TPRG1: variants seen among roughly 807,000 people sequenced by gnomAD.
TPRG1 encodes the protein tumor protein p63 regulated 1, also known as tumor protein p63-regulated gene 1 protein.
TPRG1 carries 29 observed loss-of-function variants against 29.3 expected under a neutral mutation model. The ratio of observed to expected loss-of-function variants is 0.99; its 90% CI spans 0.74 to 1.35. The LOEUF (loss-of-function observed/expected upper bound fraction) is 1.35, where lower values mean the gene tolerates loss of function less well. Among genes scored for constraint, TPRG1 ranks in the 40% most tolerant of loss-of-function variants. TPRG1 has a pLI of 0.00. For synonymous variants in TPRG1, 130 were observed against 116.8 expected, an observed-to-expected ratio of 1.11 and a Z score of -0.73; for missense variants, 327 against 335.0, an observed-to-expected ratio of 0.98 and a Z score of 0.19.
chr3:189,196,079 G>T (rs1732487659), intron 1 of TPRG1, among the ~76,000 whole-genome samples: 1 of 152,096 alleles, frequency 6.6e-6, no homozygotes, highest in South Asian at 2.1e-4. Flanking sequence ...GCTTTCTCAG[G>T]GATTTGAGGC....
intron 5 of TPRG1, among the ~76,000 whole-genome samples, chr3:189,318,008 G>C (rs1723823467): frequency 6.6e-6 from 1 of 152,090 alleles, no homozygotes; most frequent in South Asian, 2.1e-4. Flanking sequence ...GTCTCTATGA[G>C]GATAATTCCA....
chr3:189,238,772 G>T lies in TPRG1; in HGVS notation c.342G>T (p.Leu114=). ...ACAATGAGAAGGAGAGAATTCTACT[G>T]GTCACAGACAAGACTCTCTTGATCT... The part of the protein sequence containing the change: ...HWNNEKERIL[L]VTDKTLLICK... The change falls in exon 4 of 6, where the codon CTG becomes CTT. Residue 114 remains leucine, a synonymous_variant. Coordinates refer to ENST00000345063, the MANE Select transcript of TPRG1 (RefSeq NM_198485.4). 6.2e-7 allele frequency: 1 copy of T among 1,613,482 alleles called. No homozygotes were observed. Among genetic ancestry groups the T allele is most frequent in the African/African-American group, 1.3e-5 (1 of 75,006 alleles).
chr3:189,163,290 CA>C (rs1257629159), intron 5 of TPRG1, among the ~76,000 whole-genome samples: 1 of 151,724 alleles, frequency 6.6e-6, no homozygotes, highest in Non-Finnish European at 1.5e-5. Flanking sequence ...CGAAGCAAAA[CA>C]AAAAAACATG....
chr3:189,104,681 C>T (rs1050585691), intron 1 of TPRG1, among the ~76,000 whole-genome samples: 13 of 151,830 alleles, frequency 8.6e-5, no homozygotes, highest in African/African-American at 3.1e-4. Context: ...TACTGTTTCA[C>T]GAGTTAAGCT....
At chr3:189,198,658 G>T (rs187621999) in intron 1 of TPRG1, among the ~76,000 whole-genome samples, 2 of 152,268 alleles carry the variant, frequency 1.3e-5, no homozygotes, top group South Asian at 4.1e-4. Flanking sequence ...ACTTAATGGC[G>T]GCTCTATATC....
intron 4 of TPRG1, among the ~76,000 whole-genome samples, chr3:189,048,668 A>T (rs1444049806): frequency 6.6e-6 from 1 of 152,174 alleles, no homozygotes; most frequent in African/African-American, 2.4e-5. Context: ...ATTCAGCTCC[A>T]GACAGAGCAG....
chr3:189,252,994 T>A (rs1047843152), intron 4 of TPRG1, among the ~76,000 whole-genome samples: 26 of 152,188 alleles, frequency 1.7e-4, no homozygotes, highest in Admixed American at 1.7e-3. Flanking sequence ...CAGGTACATC[T>A]CAGTAAATCC....
intron 1 of TPRG1, among the ~76,000 whole-genome samples, chr3:189,176,672 G>A (rs1729530003): frequency 6.6e-6 from 1 of 152,202 alleles, no homozygotes; most frequent in Admixed American, 6.5e-5. Flanking sequence ...AGGAGTCAGC[G>A]AGGCACTAAT....
In TPRG1 at chr3:189,183,946, T is replaced by C. The variant is rs556005511; in HGVS notation, c.-10+11815T>C. Among the ~76,000 whole-genome samples, 47 of 151,870 alleles carry C rather than the reference T, an allele frequency of 3.1e-4. 1 individual carries two copies. In the South Asian group the frequency reaches 9.2e-3, roughly 30 times the overall value. The stretch of plus-strand genomic sequence containing the variant: ...CAGGCATAGGAAATCACAAGGGTAT[T>C]GATTGGGGAAGTGATAAGTGTCCAT... On this transcript the variant is annotated intron_variant, in intron 1 of 5. Transcript: ENST00000345063.
chr3:189,151,001 AG>A (rs1360410083), intron 5 of TPRG1: 3 of 152,184 alleles, frequency 2.0e-5, no homozygotes, highest in Non-Finnish European at 4.4e-5. Context: ...TTGACCCCCG[AG>A]GATCTTCCAT....
At chr3:189,134,042 C>T (rs1268226346) in intron 3 of TPRG1, among the ~76,000 whole-genome samples, 2 of 152,146 alleles carry the variant, frequency 1.3e-5, no homozygotes, top group Non-Finnish European at 2.9e-5. Flanking sequence ...ATGTTGAATA[C>T]ACATGTTAGC....
At chr3:189,219,773 T>G in intron 3 of TPRG1, 6 of 1,102,334 alleles carry the variant, frequency 5.4e-6, no homozygotes, top group South Asian at 2.3e-5. Flanking sequence ...TTGTTCTTAA[T>G]TCTTCTTATT....
At chr3:189,158,075 C>T (rs748865687) in intron 5 of TPRG1, among the ~76,000 whole-genome samples, 5 of 152,116 alleles carry the variant, frequency 3.3e-5, no homozygotes, top group Non-Finnish European at 5.9e-5. Flanking sequence ...AAGATTCTGG[C>T]CAAATCTTTT....
At chr3:189,297,961 C>G (rs1030891309) in intron 4 of TPRG1, among the ~76,000 whole-genome samples, 26 of 152,282 alleles carry the variant, frequency 1.7e-4, no homozygotes, top group African/African-American at 6.0e-4. Context: ...TCCGTCTGAA[C>G]TATCGCTCTG....
intron 4 of TPRG1, among the ~76,000 whole-genome samples, chr3:189,074,818 T>G (rs1210232729): frequency 6.6e-6 from 1 of 151,964 alleles, no homozygotes; most frequent in Non-Finnish European, 1.5e-5. Context: ...AGCCTACCTT[T>G]TTTTTTTTCT....
intron 5 of TPRG1, among the ~76,000 whole-genome samples, chr3:189,315,042 A>G (rs1031406970): frequency 5.3e-5 from 8 of 152,180 alleles, no homozygotes; most frequent in African/African-American, 1.9e-4. Flanking sequence ...GCTACTTGGA[A>G]GGCTAAGGCA....
intron 5 of TPRG1, among the ~76,000 whole-genome samples, chr3:189,165,946 C>T (rs1034652721): frequency 2.0e-5 from 3 of 152,184 alleles, no homozygotes; most frequent in Admixed American, 6.5e-5. Flanking sequence ...AAGATTCCCT[C>T]CCTCTCCCCA....
chr3:189,023,182 C>T (rs1020083401), intron 3 of TPRG1, among the ~76,000 whole-genome samples: 24 of 152,212 alleles, frequency 1.6e-4, no homozygotes, highest in Non-Finnish European at 1.0e-4. Context: ...AGAAATCACC[C>T]GTCTTCTGCG....
intron 2 of TPRG1, among the ~76,000 whole-genome samples, chr3:189,209,878 A>C (rs1475719304): frequency 1.3e-5 from 2 of 152,128 alleles, no homozygotes; most frequent in Non-Finnish European, 2.9e-5. Context: ...CAATAGGGAG[A>C]TTTTCCCAAG....
Sources: allele counts gnomAD v4.1 joint callset (sites outside exome capture counted in the v4.1 genomes callset), GRCh38; gene constraint gnomAD v4.1.1; transcripts MANE v1.5; gene names NCBI Gene and HGNC (gene_info 2026-07-23, HGNC 2026-07-21).